Variants in DSG1 observed in about 807,000 individuals in gnomAD.
DSG1 encodes the protein desmoglein 1, also known as desmoglein-1.
Under a neutral mutation model 97.5 loss-of-function variants are expected in DSG1, and 39 were observed. That is an observed-to-expected ratio of 0.40 (90% CI 0.31 to 0.52). The LOEUF (loss-of-function observed/expected upper bound fraction) is 0.52. DSG1 is among the 20% of genes least tolerant of loss of function. The pLI, the probability that DSG1 is intolerant of heterozygous loss-of-function variation, is 0.53. For synonymous variants in DSG1, 475 were observed against 443.4 expected, an observed-to-expected ratio of 1.07 and a Z score of -0.90; for missense variants, 1,311 against 1,295.4, an observed-to-expected ratio of 1.01 and a Z score of -0.18.
In DSG1 at chr18:31,358,656, C is replaced by G. The variant is rs2071978403; in HGVS notation, c.*3310C>G. Reference sequence around the variant, plus strand: ...TGCTGGAGTTGAAAGGCATTATAATCTTTAGCATAAATGGCCATGACTATT... The same window carrying G: ...TGCTGGAGTTGAAAGGCATTATAATGTTTAGCATAAATGGCCATGACTATT... On this transcript the variant is annotated 3_prime_UTR_variant, in exon 15 of 15. Coordinates refer to ENST00000257192, the MANE Select transcript of DSG1 (RefSeq NM_001942.4). Among the ~76,000 whole-genome samples the G allele has an allele frequency of 6.6e-6, 1 of 152,046 alleles. No individual in the cohort carries two copies. The highest frequency in any genetic ancestry group is 2.4e-5 in the African/African-American group (1 of 41,428).
intron 13 of DSG1, among the ~76,000 whole-genome samples, chr18:31,344,211 G>A (rs2071812550): frequency 6.6e-6 from 1 of 152,076 alleles, no homozygotes; most frequent in Non-Finnish European, 1.5e-5. Context: ...AACCATCAAA[G>A]AGTACTTAGA....
chr18:31,339,799 T>C lies in DSG1; in HGVS notation c.1461T>C (p.Gly487=). The part of the protein sequence containing the change: ...GTININIQSF[G]NDDRTNTEPN... Reference sequence around the variant, plus strand: ...TTAATATTAACATTCAAAGTTTTGGTAATGACGACAGGACTAATACAGAGC... The same window carrying C: ...TTAATATTAACATTCAAAGTTTTGGCAATGACGACAGGACTAATACAGAGC... Residue 487 remains glycine, a synonymous_variant, in exon 11 of 15, where the codon GGT becomes GGC. Coordinates refer to ENST00000257192, the MANE Select transcript of DSG1 (RefSeq NM_001942.4). The C allele has an allele frequency of 6.2e-7, 1 of 1,613,408 alleles. No individual in the cohort carries two copies. The highest frequency in any genetic ancestry group is 8.5e-7 in the Non-Finnish European group (1 of 1,179,404).
chr18:31,345,945 A>G (rs762429447), intron 13 of DSG1, 45 bp from the exon 14 acceptor site: 1 of 1,528,064 alleles, frequency 6.5e-7, no homozygotes, highest in Non-Finnish European at 9.0e-7. Flanking sequence ...TTTTTAGTTT[A>G]TGATAGACTA....
At position 31,326,627 on chromosome 18, in the gene DSG1, A is replaced by G; in HGVS notation, c.84+11A>G. The G allele has an allele frequency of 6.3e-7, 1 of 1,598,586 alleles. No homozygotes were observed. The highest frequency in any genetic ancestry group is 8.6e-7 in the Non-Finnish European group (1 of 1,166,868). ...GAATTCCGAATCCAGGTAATATATA[A>G]CAAATCCATTTTTCCAAATTTTTAA... On this transcript the variant is annotated intron_variant, in intron 2 of 14. Transcript: ENST00000257192.
At chr18:31,344,142 G>T (rs548765391) in intron 13 of DSG1, 147 bp downstream of exon 13, 1 of 686,990 alleles carries the variant, frequency 1.5e-6, no homozygotes, top group African/African-American at 1.8e-5. Context: ...AAATTAAATG[G>T]CAAGGAAAAA....
intron 1 of DSG1, among the ~76,000 whole-genome samples, chr18:31,319,382 CAAAGTATGCTGG>C (rs1417613275): frequency 6.6e-6 from 1 of 152,118 alleles, no homozygotes; most frequent in East Asian, 1.9e-4. Flanking sequence ...ATCTTTGATT[CAAAGTATGCTGG>C]TTAGTTTGAA....
At chr18:31,342,368 TG>T (rs1023496162) in intron 11 of DSG1, among the ~76,000 whole-genome samples, 4 of 152,152 alleles carry the variant, frequency 2.6e-5, no homozygotes, top group Admixed American at 2.6e-4. Context: ...AACCAATACA[TG>T]GGCTTCTTTT....
rs9956026 is a variant in DSG1 at position 31,327,263 on chromosome 18, T to G, written c.216+258T>G. Among the ~76,000 whole-genome samples, 62,808 of 151,926 alleles carry G rather than the reference T, an allele frequency of 0.41. 14,219 individuals are homozygous for G. The highest frequency in any genetic ancestry group is 0.5 in the Non-Finnish European group (33,717 of 67,912). ...ATCATGTGTTATCCCAAACTCCAGATGAAAAAAGATCATTATTTTAATAAA... is the reference window on the plus strand; with the variant it reads ...ATCATGTGTTATCCCAAACTCCAGAGGAAAAAAGATCATTATTTTAATAAA... On this transcript the variant is annotated intron_variant, in intron 3 of 14. Transcript: ENST00000257192.
intron 10 of DSG1, among the ~76,000 whole-genome samples, chr18:31,339,464 T>C (rs185665975): frequency 6.6e-6 from 1 of 152,140 alleles, no homozygotes; most frequent in Non-Finnish European, 1.5e-5. Context: ...TGTAATTCTA[T>C]ACTTTTCAAA....
chr18:31,343,481 T>C lies in DSG1; in HGVS notation c.1719T>C (p.Cys573=), dbSNP rs753349701. Residue 573 remains cysteine (C), a synonymous_variant, in exon 12 of 15, where the codon TGT becomes TGC. Coordinates refer to ENST00000257192, the MANE Select transcript of DSG1 (RefSeq NM_001942.4). The part of the protein sequence containing the change: ...LVPFLMICCD[C]GGAPRSAAGF... Reference sequence around the variant, plus strand: ...CATTTTTGATGATCTGTTGTGATTGTGGAGGTGCTCCTCGTAGTGCAGCTG... The same window carrying C: ...CATTTTTGATGATCTGTTGTGATTGCGGAGGTGCTCCTCGTAGTGCAGCTG... The C allele has an allele frequency of 8.7e-6, 14 of 1,614,082 alleles. No individual in the cohort carries two copies. Among genetic ancestry groups the C allele is most frequent in the Middle Eastern group, 3.3e-4 (2 of 6,082 alleles).
At chr18:31,330,177 C>A in intron 5 of DSG1, 141 bp downstream of exon 5, 2 of 1,082,632 alleles carry the variant, frequency 1.8e-6, no homozygotes, top group Non-Finnish European at 2.7e-6. Context: ...CTTTCAACTA[C>A]GGAAGCAGCT....
rs1388354099 is a variant in DSG1, at chr18:31,358,235, A to G, written c.*2889A>G. 3.3e-5 allele frequency among the ~76,000 whole-genome samples: 5 copies of G among 152,044 alleles called. No individual in the cohort carries two copies. The highest frequency in any genetic ancestry group is 1.3e-4 in the Admixed American group (2 of 15,272). ...GAGGTAATCTTTAGGAGCAAAAATC[A>G]GTGTATTATAAATACTTTACCATTT... On this transcript the variant is annotated 3_prime_UTR_variant, in exon 15 of 15. Coordinates refer to ENST00000257192, the MANE Select transcript of DSG1 (RefSeq NM_001942.4).
In DSG1 at chr18:31,354,744, T is replaced by G. The variant is rs117758452; in HGVS notation, c.2548T>G (p.Ser850Ala). The part of the protein sequence containing the change: ...SYTTSDTLKP[S>A]VHVHDNRPAS... ...CACCACCTCTGACACTCTGAAGCCC[T>G]CTGTGCACGTTCACGATAACCGACC... Residue 850 changes from serine (S) to alanine (A), a missense_variant, in exon 15 of 15, where the codon TCT (serine) becomes GCT (alanine). By Grantham distance (99) the Ser-to-Ala change is moderately conservative (BLOSUM62 1). Around this residue, in one of 3 missense-constraint regions of DSG1, gnomAD observed 1,038 missense variants for 964.6 expected, o/e 1.08. Transcript: ENST00000257192. The G allele has an allele frequency of 5.6e-5, 90 of 1,614,150 alleles. No individual in the cohort carries two copies. The East Asian group carries it at 1.7e-3, about 31-fold the overall frequency.
intron 6 of DSG1, among the ~76,000 whole-genome samples, chr18:31,332,804 T>A (rs1734901372): frequency 6.6e-6 from 1 of 152,176 alleles, no homozygotes; most frequent in South Asian, 2.1e-4. Flanking sequence ...TATACATGTT[T>A]GAAAATCAAC....
chr18:31,353,142 GT>G (rs1415819106), intron 14 of DSG1, among the ~76,000 whole-genome samples: 5 of 142,230 alleles, frequency 3.5e-5, no homozygotes, highest in Non-Finnish European at 7.7e-5. Context: ...GTACAGATGG[GT>G]TTTTGGTGTG....
In DSG1 at chr18:31,321,834, C is replaced by T. The variant is rs1312137763; in HGVS notation, c.48+3486C>T. Among the ~76,000 whole-genome samples the T allele has an allele frequency of 3.3e-5, 5 of 152,182 alleles. No homozygotes were observed. In the East Asian group the frequency reaches 7.7e-4, roughly 23 times the overall value. ...TTCTGGTAACTCTTTCTCCACAACA[C>T]ATTCATCAAAGACCTGGTTGCTGAG... On this transcript the variant is annotated intron_variant, in intron 1 of 14. Transcript: ENST00000257192.
chr18:31,326,710 G>A, intron 2 of DSG1, 94 bp downstream of exon 2: 1 of 1,346,458 alleles, frequency 7.4e-7, no homozygotes, highest in Non-Finnish European at 1.1e-6. Flanking sequence ...ATTCTCATAA[G>A]TCAAGTTCAT....
rs201464640 is a variant in DSG1, at chr18:31,338,423, A to T, written c.1374A>T (p.Gly458=). 2 of 1,613,634 alleles carry T rather than the reference A, an allele frequency of 1.2e-6. No homozygotes were observed. The highest frequency in any genetic ancestry group is 1.7e-6 in the Non-Finnish European group (2 of 1,179,668). Residue 458 remains glycine, a synonymous_variant, in exon 10 of 15, where the codon GGA becomes GGT. Transcript: ENST00000257192. ...VTKEQYNMLG[G]KYQGTILSID... ...AGGAACAGTACAATATGCTCGGAGGAAAATACCAAGGAACGATTCTCTCTA... is the reference window on the plus strand; with the variant it reads ...AGGAACAGTACAATATGCTCGGAGGTAAATACCAAGGAACGATTCTCTCTA...
intron 1 of DSG1, among the ~76,000 whole-genome samples, chr18:31,324,794 T>G (rs2071675979): frequency 6.6e-6 from 1 of 152,190 alleles, no homozygotes; most frequent in African/African-American, 2.4e-5. Context: ...CTGCTCACCG[T>G]CTGTAATCAC....
Sources: gnomAD v4.1 joint callset for allele counts (sites outside exome capture counted in the v4.1 genomes callset) on GRCh38, gnomAD v4.1.1 for gene constraint, gnomAD v4.1.1 regional missense constraint, MANE v1.5 for transcripts, NCBI Gene and HGNC (gene_info 2026-07-23, HGNC 2026-07-21) for gene names.